The following TPCN1 variants were observed in gnomAD, a reference collection of about 807,000 sequenced individuals.
TPCN1 encodes the protein two pore segment channel 1, also known as two pore channel protein 1.
TPCN1 carries 52 observed loss-of-function variants against 108.8 expected under a neutral mutation model. The observed-to-expected ratio is 0.48, with a 90% confidence interval of 0.38 to 0.60. TPCN1 has a LOEUF of 0.60. Ranked by LOEUF, TPCN1 falls within the 20% of genes least tolerant of loss-of-function variation. The probability of loss-of-function intolerance (pLI) is 0.00; values close to 1 mark genes in which losing one functional copy is unlikely to be tolerated. For synonymous variants in TPCN1, 446 were observed against 433.7 expected (o/e 1.03, Z -0.35); for missense variants, 806 against 1,072.8 (o/e 0.75, Z 3.47).
rs376284527 is a variant in TPCN1, at chr12:113,254,774, A to AT, written c.113-5590dup. Among the ~76,000 whole-genome samples, 628 of 152,266 alleles carry AT rather than the reference A, an allele frequency of 4.1e-3. 4 individuals are homozygous for AT. The highest frequency in any genetic ancestry group is 0.014 in the African/African-American group (593 of 41,540). ...GAATTTTGGAGCATTTGGATTTCAG[A>AT]TTTTCGGATTAGGGATTCTCAAGCT... On this transcript the variant is annotated intron_variant, in intron 2 of 27. Transcript: ENST00000335509.
intron 2 of TPCN1, among the ~76,000 whole-genome samples, chr12:113,235,201 A>G (rs1953837905): frequency 6.6e-6 from 1 of 152,176 alleles, no homozygotes; most frequent in African/African-American, 2.4e-5. Context: ...TGGAGGGTGG[A>G]GGTGTCAAGC....
Position 113,260,574 on chromosome 12 carries a change from A to G in TPCN1, c.237+82A>G, listed in dbSNP as rs557572357. 7 of 1,493,276 alleles carry G rather than the reference A, an allele frequency of 4.7e-6. No homozygotes were observed. The East Asian group carries it at 1.8e-4, about 39-fold the overall frequency. 92.5% of individuals were successfully genotyped at this position (1,493,276 alleles called of 1,614,324 possible). On this transcript the variant is annotated intron_variant, in intron 3 of 27. Transcript: ENST00000335509. The stretch of plus-strand genomic sequence containing the variant: ...AGCCAAGACTCTGTTAGGTGCCCAG[A>G]AATTCAGTTCCAGCATCAGTTCATG...
At position 113,296,466 on chromosome 12, in the gene TPCN1, G is replaced by A. The variant is rs1369344249; in HGVS notation, c.*390G>A. 1.5e-5 allele frequency: 3 copies of A among 194,864 alleles called. No individual in the cohort carries two copies. Among genetic ancestry groups the A allele is most frequent in the Non-Finnish European group, 2.1e-5 (2 of 95,470 alleles). The allele number at this position is 194,864 out of a possible 1,614,324, so 12.1% of individuals were successfully genotyped here. ...AGGCTCACATCCCCCCGACCTGATG[G>A]CGTGCCCGCCCCCTCTCCCTGCGGC... is the stretch of plus-strand genomic sequence containing the variant. On this transcript the variant is annotated 3_prime_UTR_variant, in exon 28 of 28. Transcript: ENST00000335509.
At position 113,291,920 on chromosome 12, in the gene TPCN1, T is replaced by G; in HGVS notation, c.2075T>G (p.Phe692Cys). 6.2e-7 allele frequency: 1 copy of G among 1,614,130 alleles called. No individual in the cohort carries two copies. Residue 692 changes from phenylalanine (F) to cysteine (C), a missense_variant, in exon 25 of 28, where the codon TTC (phenylalanine) becomes TGC (cysteine). Transcript: ENST00000335509. The stretch of plus-strand genomic sequence containing the variant: ...GCCTTTATCCTCGAGGCCTTCGTCT[T>G]CCGAATGAACTACAGCCGCAAGAAC... ...IVAFILEAFV[F>C]RMNYSRKNQD... is the part of the protein sequence containing the mutation.
intron 2 of TPCN1, among the ~76,000 whole-genome samples, chr12:113,230,218 G>T (rs1327339745): frequency 6.7e-6 from 1 of 149,318 alleles, no homozygotes; most frequent in African/African-American, 2.5e-5. Flanking sequence ...ATTACAAGTA[G>T]ATTATAGTGG....
intron 22 of TPCN1, among the ~76,000 whole-genome samples, 188 bp downstream of exon 22, chr12:113,290,431 C>T (rs1458149416): frequency 6.6e-6 from 1 of 152,214 alleles, no homozygotes; most frequent in Non-Finnish European, 1.5e-5. Context: ...CTGGAGCTCA[C>T]TCAGTTGCCT....
In TPCN1 at chr12:113,226,785, G is replaced by A. The variant is rs1322887454; in HGVS notation, c.-68G>A. ...CACCCCTGGCCCAGTGGCTTTGAAAGGGAGCTCAAACCAGAGACTATTTCA... is the reference window on the plus strand; with the variant it reads ...CACCCCTGGCCCAGTGGCTTTGAAAAGGAGCTCAAACCAGAGACTATTTCA... On this transcript the variant is annotated 5_prime_UTR_variant, in exon 2 of 28. Coordinates refer to ENST00000335509, the MANE Select transcript of TPCN1 (RefSeq NM_017901.6). 6.2e-7 allele frequency: 1 copy of A among 1,607,224 alleles called. No homozygotes were observed. Among genetic ancestry groups the A allele is most frequent in the African/African-American group, 1.3e-5 (1 of 74,840 alleles).
intron 15 of TPCN1, among the ~76,000 whole-genome samples, chr12:113,281,150 C>T (rs1244180101): frequency 6.6e-6 from 1 of 152,066 alleles, no homozygotes; most frequent in African/African-American, 2.4e-5. Flanking sequence ...AAGTGATTCT[C>T]CTGTCTCACT....
intron 7 of TPCN1, among the ~76,000 whole-genome samples, chr12:113,270,131 G>C (rs1057094763): frequency 6.6e-6 from 1 of 152,118 alleles, no homozygotes; most frequent in African/African-American, 2.4e-5. Context: ...GGGAGGCCAA[G>C]GTTGCAGTGA....
At chr12:113,286,110 C>T (rs902017380) in intron 18 of TPCN1, 149 bp downstream of exon 18, 26 of 710,470 alleles carry the variant, frequency 3.7e-5, no homozygotes, top group Admixed American at 8.8e-5. Flanking sequence ...CTCAAGCAGC[C>T]CTGCCCACAG....
chr12:113,261,943 G>C (rs893385048), intron 3 of TPCN1, among the ~76,000 whole-genome samples: 1 of 151,828 alleles, frequency 6.6e-6, no homozygotes, highest in Non-Finnish European at 1.5e-5. Context: ...ACAATTTTTA[G>C]GGCCTTGATG....
chr12:113,237,118 C>T (rs746405659), intron 2 of TPCN1, among the ~76,000 whole-genome samples: 2 of 152,126 alleles, frequency 1.3e-5, no homozygotes, highest in Non-Finnish European at 2.9e-5. Flanking sequence ...CTTGCCAGCT[C>T]GGGATGCTGT....
At chr12:113,263,157 T>G (rs1955106898) in intron 3 of TPCN1, among the ~76,000 whole-genome samples, 1 of 152,226 alleles carries the variant, frequency 6.6e-6, no homozygotes, top group Non-Finnish European at 1.5e-5. Context: ...TTTTACTACC[T>G]TACAAATTTA....
rs759942273 is a variant in TPCN1, at chr12:113,288,767, C to T, written c.1716C>T (p.Leu572=). Residue 572 remains leucine, a synonymous_variant, in exon 21 of 28, where the codon CTC becomes CTT. Transcript: ENST00000335509. The surrounding 1 kb of genome is among the most constrained non-coding windows in gnomAD (Gnocchi z 4.8). ...ELLPRMASLG[L]TLLIFYYSFA... ...CCCTGTCGCCCCACAGCCTGGGCCTCACCCTGCTCATCTTTTACTACTCCT... is the reference window on the plus strand; with the variant it reads ...CCCTGTCGCCCCACAGCCTGGGCCTTACCCTGCTCATCTTTTACTACTCCT... 6.2e-6 allele frequency: 10 copies of T among 1,612,724 alleles called. No individual in the cohort carries two copies. The South Asian group carries it at 1.1e-4, about 18-fold the overall frequency.
rs1457027227 is a variant in TPCN1, at chr12:113,289,481, G to A, written c.1796+634G>A. On this transcript the variant is annotated intron_variant, in intron 21 of 27. Coordinates refer to ENST00000335509, the MANE Select transcript of TPCN1 (RefSeq NM_017901.6). This position sits in a 1 kb window ranked among gnomAD's most constrained non-coding sequence, Gnocchi z 4.1. ...GGTCTGGAACCAGAAGCCTATAGCA[G>A]TGGGTCCCAGACTTTAGAGCCCATT... Among the ~76,000 whole-genome samples the A allele has an allele frequency of 1.3e-5, 2 of 152,224 alleles. No homozygotes were observed. The highest frequency in any genetic ancestry group is 2.9e-5 in the Non-Finnish European group (2 of 68,042).
chr12:113,287,464 C>A (rs983603137), intron 19 of TPCN1: 1 of 206,706 alleles, frequency 4.8e-6, no homozygotes, highest in Non-Finnish European at 9.6e-6. Flanking sequence ...TCTGGCTCAG[C>A]GTCTTATGGA....
intron 3 of TPCN1, among the ~76,000 whole-genome samples, chr12:113,261,835 C>G (rs981773318): frequency 2.0e-5 from 3 of 152,100 alleles, no homozygotes; most frequent in Admixed American, 1.3e-4. Context: ...ACAATCTATA[C>G]GTAGCACCCC....
chr12:113,292,883 T>G, intron 25 of TPCN1, 51 bp from the exon 26 acceptor site: 2 of 1,582,552 alleles, frequency 1.3e-6, no homozygotes. Context: ...CCCAGCCAGG[T>G]TGGCAGCTGC....
At chr12:113,229,305 A>C (rs1358747162) in intron 2 of TPCN1, among the ~76,000 whole-genome samples, 1 of 152,190 alleles carries the variant, frequency 6.6e-6, no homozygotes, top group East Asian at 1.9e-4. Context: ...TTAAAACCTC[A>C]ATGACTTGTG....
Sources: allele counts gnomAD v4.1 joint callset (sites outside exome capture counted in the v4.1 genomes callset), GRCh38; gene constraint gnomAD v4.1.1; non-coding constraint Gnocchi (gnomAD v3.1); transcripts MANE v1.5; gene names NCBI Gene and HGNC (gene_info 2026-07-23, HGNC 2026-07-21).